SCN10A: variants seen among roughly 807,000 people sequenced by gnomAD.
The protein encoded by SCN10A is sodium channel protein type 10 subunit alpha.
A neutral mutation model predicts 170.7 loss-of-function variants in SCN10A; 162 were observed. The ratio of observed to expected loss-of-function variants is 0.95; its 90% CI spans 0.84 to 1.08. The LOEUF (loss-of-function observed/expected upper bound fraction) is 1.08, where lower values mean the gene tolerates loss of function less well. Among genes scored for constraint, SCN10A ranks in the 50% least tolerant of loss-of-function variants. SCN10A has a pLI of 0.00. For synonymous variants in SCN10A, 985 were observed against 904.6 expected (o/e 1.09, Z -1.59); for missense variants, 2,527 against 2,436.9 (o/e 1.04, Z -0.78).
intron 1 of SCN10A, among the ~76,000 whole-genome samples, chr3:38,794,713 T>C (rs2064327073): frequency 6.6e-6 from 1 of 152,236 alleles, no homozygotes; most frequent in Admixed American, 6.5e-5. Flanking sequence ...CCTGAACTGC[T>C]GAGGGGTTAT....
chr3:38,802,191 G>T (rs1475561911), intron 1 of SCN10A, among the ~76,000 whole-genome samples: 1 of 152,108 alleles, frequency 6.6e-6, no homozygotes, highest in Non-Finnish European at 1.5e-5. Context: ...TAACCTTTGG[G>T]AGCTTAAATA....
At chr3:38,785,684 A>G (rs1160541301) in intron 4 of SCN10A, among the ~76,000 whole-genome samples, 1 of 152,102 alleles carries the variant, frequency 6.6e-6, no homozygotes, top group Non-Finnish European at 1.5e-5. Flanking sequence ...CTATCATCAG[A>G]GTGAATAGGT....
rs765197037 is a variant in SCN10A, at chr3:38,718,728, C to T, written c.3606G>A (p.Leu1202=). The change falls in exon 21 of 28, where the codon CTG becomes CTA. Residue 1202 remains leucine (L), a synonymous_variant. Transcript: ENST00000449082. The part of the protein sequence containing the change: ...VFTFIFVFEM[L]LKWVAYGFKK... ...TGAAGCCATAGGCCACCCACTTAAG[C>T]AGCATCTCGAACACAAAGATAAAGG... The T allele has an allele frequency of 1.5e-5, 24 of 1,614,242 alleles. 1 individual carries two copies. In the South Asian group the frequency reaches 2.3e-4, roughly 16 times the overall value.
intron 15 of SCN10A, among the ~76,000 whole-genome samples, chr3:38,736,359 C>CACTGTGTGTGTGTG (rs1224815377): frequency 6.3e-4 from 58 of 91,556 alleles, no homozygotes; most frequent in African/African-American, 1.3e-3. Flanking sequence ...AATAGGGAAA[C>CACTGTGTGTGTGTG]TCTGTGTGTG....
intron 26 of SCN10A, among the ~76,000 whole-genome samples, chr3:38,703,526 T>C (rs905696343): frequency 6.6e-6 from 1 of 152,220 alleles, no homozygotes; most frequent in African/African-American, 2.4e-5. Flanking sequence ...ACAGAGATTG[T>C]TCTCACTAAG....
Position 38,723,450 on chromosome 3 carries a change from G to A in SCN10A, c.3332C>T (p.Pro1111Leu). The change falls in exon 19 of 28, where the codon CCA becomes CTA. Residue 1111 changes from proline to leucine, a missense_variant. Transcript: ENST00000449082. ...TTCACCTTCTGTGAAGCAGTCATCT[G>A]GTTCTTCCAGGTCATCTGCCAGCTC... is the stretch of plus-strand genomic sequence containing the variant. Reference protein sequence around the residue: ...IPELADDLEEPDDCFTEGCIR... With the variant: ...IPELADDLEELDDCFTEGCIR... 1 of 1,614,156 alleles carries A rather than the reference G, an allele frequency of 6.2e-7. No individual in the cohort carries two copies. Among genetic ancestry groups the A allele is most frequent in the East Asian group, 2.2e-5 (1 of 44,888 alleles).
rs369399641 is a variant in SCN10A, at chr3:38,698,545, T to C, written c.4675A>G (p.Ile1559Val). 22 of 1,609,826 alleles carry C rather than the reference T, an allele frequency of 1.4e-5. No individual in the cohort carries two copies. The highest frequency in any genetic ancestry group is 1.8e-5 in the Non-Finnish European group (21 of 1,176,710). ...AAGTAACTTTGAAGTGACTTAAGAA[T>C]TGCAGAAAAAATCAGGCCTTTAAAA... is the stretch of plus-strand genomic sequence containing the variant. Reference protein sequence around the residue: ...LSIASLIFSAILKSLQSYFSP... With the variant: ...LSIASLIFSAVLKSLQSYFSP... The change falls in exon 28 of 28, where the codon ATT becomes GTT. Residue 1559 changes from isoleucine (I) to valine (V), a missense_variant. Coordinates refer to ENST00000449082, the MANE Select transcript of SCN10A (RefSeq NM_006514.4).
At chr3:38,779,310 G>A (rs1469127767) in intron 4 of SCN10A, among the ~76,000 whole-genome samples, 1 of 151,922 alleles carries the variant, frequency 6.6e-6, no homozygotes, top group African/African-American at 2.4e-5. Flanking sequence ...GGATTTTTTT[G>A]GGGATGTCAT....
intron 13 of SCN10A, among the ~76,000 whole-genome samples, chr3:38,742,998 C>T (rs1170153497): frequency 2.6e-5 from 4 of 152,162 alleles, no homozygotes; most frequent in Non-Finnish European, 5.9e-5. Flanking sequence ...GCTTACCAAC[C>T]CTCCTAGAGA....
intron 15 of SCN10A, among the ~76,000 whole-genome samples, chr3:38,733,731 T>C (rs1166285375): frequency 6.6e-6 from 1 of 152,142 alleles, no homozygotes. Flanking sequence ...TTTATTTATT[T>C]ATTTTTGAGA....
At chr3:38,749,815 TGCAAA>T (rs1345639456) in intron 13 of SCN10A, among the ~76,000 whole-genome samples, 1 of 152,242 alleles carries the variant, frequency 6.6e-6, no homozygotes, top group African/African-American at 2.4e-5. Context: ...TTGTGATGCA[TGCAAA>T]GCAGATGCTA....
chr3:38,726,924 A>C lies in SCN10A; in HGVS notation c.2769T>G (p.Arg923=). The change falls in exon 17 of 28, where the codon CGT becomes CGG. Residue 923 remains arginine, a synonymous_variant. Coordinates refer to ENST00000449082, the MANE Select transcript of SCN10A (RefSeq NM_006514.4). ...AGAAGCTGCAAAGAGCCTGTTTGGTACGATGGCCAAAGACCTGGATCCGTG... is the reference window on the plus strand; with the variant it reads ...AGAAGCTGCAAAGAGCCTGTTTGGTCCGATGGCCAAAGACCTGGATCCGTG... The part of the protein sequence containing the change: ...ALARIQVFGH[R]TKQALCSFFS... 6.2e-7 allele frequency: 1 copy of C among 1,614,244 alleles called. No homozygotes were observed. Among genetic ancestry groups the C allele is most frequent in the Middle Eastern group, 1.6e-4 (1 of 6,062 alleles).
chr3:38,721,672 C>A (rs1388447766), intron 20 of SCN10A, among the ~76,000 whole-genome samples: 5 of 152,302 alleles, frequency 3.3e-5, no homozygotes, highest in East Asian at 1.9e-4. Flanking sequence ...GTTAGAAATG[C>A]AAATTCTCAG....
chr3:38,727,385 GCTCTGTTCCTGA>G (rs759184414), intron 16 of SCN10A, among the ~76,000 whole-genome samples: 58 of 152,212 alleles, frequency 3.8e-4, no homozygotes, highest in Admixed American at 9.2e-4. Context: ...AAAGCCCTGG[GCTCTGTTCCTGA>G]CTCTGGAATC....
chr3:38,780,637 T>C (rs2064128646), intron 4 of SCN10A, among the ~76,000 whole-genome samples: 1 of 152,112 alleles, frequency 6.6e-6, no homozygotes, highest in Admixed American at 6.6e-5. Flanking sequence ...CATTTTAATG[T>C]GCATTTCTCA....
chr3:38,802,027 TCC>T (rs2064374222), intron 1 of SCN10A, among the ~76,000 whole-genome samples: 1 of 152,144 alleles, frequency 6.6e-6, no homozygotes, highest in African/African-American at 2.4e-5. Context: ...CAAGCTTCTC[TCC>T]CCTCTGTGTT....
chr3:38,730,117 G>A (rs2063499966), intron 15 of SCN10A, among the ~76,000 whole-genome samples: 1 of 152,204 alleles, frequency 6.6e-6, no homozygotes, highest in Non-Finnish European at 1.5e-5. Flanking sequence ...GCCGAAGGTT[G>A]TAAGCCTAGC....
At chr3:38,704,489 G>C (rs911539864) in intron 26 of SCN10A, among the ~76,000 whole-genome samples, 1 of 152,172 alleles carries the variant, frequency 6.6e-6, no homozygotes, top group African/African-American at 2.4e-5. Context: ...GCTGCTCTTG[G>C]ATTAGCCCAC....
At chr3:38,807,596 A>G (rs1171704340) in intron 1 of SCN10A, among the ~76,000 whole-genome samples, 1 of 152,104 alleles carries the variant, frequency 6.6e-6, no homozygotes, top group African/African-American at 2.4e-5. Context: ...GGAGGTCATT[A>G]AATATCAGAA....
Sources: allele counts gnomAD v4.1 joint callset (sites outside exome capture counted in the v4.1 genomes callset), GRCh38; gene constraint gnomAD v4.1.1; transcripts MANE v1.5; gene names NCBI Gene and HGNC (gene_info 2026-07-23, HGNC 2026-07-21).